LMO3: variants seen among roughly 807,000 people sequenced by gnomAD.
LMO3 encodes the protein LIM domain only 3.
Under a neutral mutation model 15.8 loss-of-function variants are expected in LMO3, and 2 were observed. The observed-to-expected ratio is 0.13, with a 90% CI of 0.05 to 0.40. The LOEUF is 0.40. Ranked by LOEUF, LMO3 falls within the 10% of genes least tolerant of loss-of-function variation. The pLI is 0.99. For synonymous variants in LMO3, 62 were observed against 63.8 expected (o/e 0.97, Z 0.13); for missense variants, 86 against 182.2 (o/e 0.47, Z 3.04).
rs1282828515 is a variant in LMO3, at chr12:16,555,854, C to A, written c.333-4527G>T. On this transcript the variant is annotated intron_variant, in intron 3 of 3. Transcript: ENST00000537304. The surrounding 1 kb of genome is among the most constrained non-coding windows in gnomAD (Gnocchi z 5.5). ...CATCTTCCCCAACCCCGAGCAGACA[C>A]ACTTCCTGTAAGTCAACCAGTTCTA... Among the ~76,000 whole-genome samples, 4 of 152,330 alleles carry A rather than the reference C, an allele frequency of 2.6e-5. No individual in the cohort carries two copies. The South Asian group carries it at 6.2e-4, about 24-fold the overall frequency.
rs1048165025 is a variant in LMO3 at position 16,593,856 on chromosome 12, C to T, written c.206+6799G>A. Among the ~76,000 whole-genome samples, 1 of 151,638 alleles carries T rather than the reference C, an allele frequency of 6.6e-6. No homozygotes were observed. Among genetic ancestry groups the T allele is most frequent in the Non-Finnish European group, 1.5e-5 (1 of 67,738 alleles). The stretch of plus-strand genomic sequence containing the variant: ...CTTCAAAATAAGCTTCGTGTAAGCA[C>T]CTTGAAAAGGGAAATACATGGTTAA... On this transcript the variant is annotated intron_variant, in intron 2 of 3. Coordinates refer to ENST00000537304, the MANE Select transcript of LMO3 (RefSeq NM_018640.5). The surrounding 1 kb of genome is among the most constrained non-coding windows in gnomAD (Gnocchi z 4.2).
chr12:16,551,442 C>T, intron 3 of LMO3, 115 bp from the exon 4 acceptor site: 2 of 665,990 alleles, frequency 3.0e-6, no homozygotes, highest in Non-Finnish European at 2.6e-6. Context: ...AATCTGAAAA[C>T]CTGGCTTAGA....
chr12:16,571,467 T>C (rs1942810462), intron 2 of LMO3, among the ~76,000 whole-genome samples: 1 of 152,098 alleles, frequency 6.6e-6, no homozygotes, highest in African/African-American at 2.4e-5. Context: ...ACACAATCAT[T>C]TGAAAAAATA....
chr12:16,576,614 A>G lies in LMO3; in HGVS notation c.207-16076T>C, dbSNP rs918487329. 3.9e-5 allele frequency among the ~76,000 whole-genome samples: 6 copies of G among 152,152 alleles called. No homozygotes were observed. The highest frequency in any genetic ancestry group is 1.4e-4 in the African/African-American group (6 of 41,442). Reference sequence around the variant, plus strand: ...CTGTTTGTCTCTTTCTCACTACATAATAAGCTCCCTGAAAACTTGCCTTCT... The same window carrying G: ...CTGTTTGTCTCTTTCTCACTACATAGTAAGCTCCCTGAAAACTTGCCTTCT... On this transcript the variant is annotated intron_variant, in intron 2 of 3. Transcript: ENST00000537304. This position sits in a 1 kb window ranked among gnomAD's most constrained non-coding sequence, Gnocchi z 4.1.
At chr12:16,608,001 A>C (rs998584271), upstream of LMO3, 1 of 152,204 alleles carries the variant, frequency 6.6e-6, no homozygotes, top group African/African-American at 2.4e-5. This position sits in a 1 kb window ranked among gnomAD's most constrained non-coding sequence, Gnocchi z 4.1. Context: ...TGTTCTGTAC[A>C]TAGGCAGATT....
intron 1 of LMO3, chr12:16,605,247 T>C: frequency 1.6e-6 from 2 of 1,278,870 alleles, no homozygotes; most frequent in South Asian, 3.9e-5. Flanking sequence ...AACTGTCACA[T>C]GCAGCGTTAG....
chr12:16,603,803 A>G lies in LMO3; in HGVS notation c.-9+2263T>C, dbSNP rs1436759988. 6.6e-6 allele frequency among the ~76,000 whole-genome samples: 1 copy of G among 152,212 alleles called. No homozygotes were observed. The highest frequency in any genetic ancestry group is 1.5e-5 in the Non-Finnish European group (1 of 68,040). Reference sequence around the variant, plus strand: ...AGTCTCAGCTTCAGTAGTTAACACAACAAAGTAACCACAACTCCACAACAC... The same window carrying G: ...AGTCTCAGCTTCAGTAGTTAACACAGCAAAGTAACCACAACTCCACAACAC... On this transcript the variant is annotated intron_variant, in intron 1 of 3. Transcript: ENST00000537304. This position sits in a 1 kb window ranked among gnomAD's most constrained non-coding sequence, Gnocchi z 4.9.
chr12:16,554,477 T>G (rs1421028652), intron 3 of LMO3, among the ~76,000 whole-genome samples: 1 of 152,188 alleles, frequency 6.6e-6, no homozygotes, highest in Non-Finnish European at 1.5e-5. Flanking sequence ...AAGTCCGGGT[T>G]GTGTACTCAT....
Position 16,601,000 on chromosome 12 carries a change from TCAAACC to T in LMO3, c.-8-138_-8-133del, listed in dbSNP as rs1943805837. On this transcript the variant is annotated intron_variant, in intron 1 of 3. Transcript: ENST00000537304. Reference sequence around the variant, plus strand: ...TTTCTTGTTTAGGGCTATACTGAAATCAAACCCAATTTTGGAAACAAAAAGTCTCAA... The same window carrying T: ...TTTCTTGTTTAGGGCTATACTGAAATCAATTTTGGAAACAAAAAGTCTCAA... 9 of 669,320 alleles carry T rather than the reference TCAAACC, an allele frequency of 1.3e-5. No homozygotes were observed. The East Asian group carries it at 2.5e-4, about 18-fold the overall frequency. The allele number at this position is 669,320 out of a possible 1,614,324, so 41.5% of individuals were successfully genotyped here.
intron 2 of LMO3, chr12:16,567,438 G>A (rs1345059450): frequency 6.6e-6 from 1 of 152,314 alleles, no homozygotes; most frequent in Non-Finnish European, 1.5e-5. Context: ...CTACAATAAA[G>A]GGGAGGATGG....
chr12:16,563,537 CTT>C (rs1036236820), intron 2 of LMO3, among the ~76,000 whole-genome samples: 9 of 152,012 alleles, frequency 5.9e-5, no homozygotes, highest in Admixed American at 5.9e-4. Context: ...AAAACAGTCT[CTT>C]AACTATCTAA....
chr12:16,551,028 A>T lies in LMO3; in HGVS notation c.*194T>A. 2.0e-6 allele frequency: 1 copy of T among 495,956 alleles called. No individual in the cohort carries two copies. The highest frequency in any genetic ancestry group is 3.6e-6 in the Non-Finnish European group (1 of 276,384). The allele number at this position is 495,956 out of a possible 1,614,324, so 30.7% of individuals were successfully genotyped here. A position where few individuals can be genotyped will look rare whatever the true frequency, so the allele number is the denominator to read the frequency against. On this transcript the variant is annotated 3_prime_UTR_variant, in exon 4 of 4. Transcript: ENST00000537304. ...TATGTACATTACTTTTTTCTTTAAT[A>T]ATAAACATTCAACTCTGAACTGGGG...
At chr12:16,566,372 A>G (rs1038577059) in intron 2 of LMO3, among the ~76,000 whole-genome samples, 1 of 151,964 alleles carries the variant, frequency 6.6e-6, no homozygotes, top group African/African-American at 2.4e-5. Flanking sequence ...AAATTACTGT[A>G]TATTATAAAA....
intron 3 of LMO3, among the ~76,000 whole-genome samples, chr12:16,554,120 T>C (rs537443111): frequency 2.6e-5 from 4 of 152,174 alleles, no homozygotes; most frequent in African/African-American, 9.7e-5. Flanking sequence ...TTTCTAGATA[T>C]TTTTGAGTGA....
chr12:16,565,983 C>CATAT lies in LMO3; in HGVS notation c.207-5449_207-5446dup, dbSNP rs61358392. ...GGATGAATGGATGAAGAAAATGTGC[C>CATAT]ATATATATATATATATATATATATA... On this transcript the variant is annotated intron_variant, in intron 2 of 3. Coordinates refer to ENST00000537304, the MANE Select transcript of LMO3 (RefSeq NM_018640.5). Among the ~76,000 whole-genome samples the CATAT allele has an allele frequency of 1.0e-3, 45 of 43,830 alleles. 1 individual carries two copies. Among genetic ancestry groups the CATAT allele is most frequent in the Non-Finnish European group, 1.2e-3 (27 of 22,888 alleles). 28.8% of individuals were successfully genotyped at this position (43,830 alleles called of 152,430 possible).
In LMO3 at chr12:16,549,893, C is replaced by A. The variant is rs185204890; in HGVS notation, c.*1329G>T. The A allele has an allele frequency of 6.6e-6, 1 of 151,876 alleles. No homozygotes were observed. Among genetic ancestry groups the A allele is most frequent in the Non-Finnish European group, 1.5e-5 (1 of 67,922 alleles). 9.4% of individuals were successfully genotyped at this position (151,876 alleles called of 1,614,324 possible). Reference sequence around the variant, plus strand: ...TATCACGTAAGGTAGTACTATTTCACCTTAAAAAATGGAAAGACAAATTTC... The same window carrying A: ...TATCACGTAAGGTAGTACTATTTCAACTTAAAAAATGGAAAGACAAATTTC... On this transcript the variant is annotated 3_prime_UTR_variant, in exon 4 of 4. Coordinates refer to ENST00000537304, the MANE Select transcript of LMO3 (RefSeq NM_018640.5).
intron 2 of LMO3, among the ~76,000 whole-genome samples, chr12:16,572,436 AAAAC>A (rs1167532656): frequency 2.7e-5 from 4 of 149,526 alleles, no homozygotes; most frequent in Non-Finnish European, 5.9e-5. Flanking sequence ...TATTAAAAAA[AAAAC>A]AGAGCTACTA....
chr12:16,562,667 T>C lies in LMO3; in HGVS notation c.207-2129A>G, dbSNP rs555839693. ...ATGATAAATGTGGCAAGTTCAGTAATGCATGGCCAGCCCTGAGCTGCCTGC... is the reference window on the plus strand; with the variant it reads ...ATGATAAATGTGGCAAGTTCAGTAACGCATGGCCAGCCCTGAGCTGCCTGC... On this transcript the variant is annotated intron_variant, in intron 2 of 3. Coordinates refer to ENST00000537304, the MANE Select transcript of LMO3 (RefSeq NM_018640.5). 2.0e-5 allele frequency among the ~76,000 whole-genome samples: 3 copies of C among 152,348 alleles called. No homozygotes were observed. The East Asian group carries it at 5.8e-4, about 29-fold the overall frequency.
Position 16,562,038 on chromosome 12 carries a change from T to C in LMO3, c.207-1500A>G, listed in dbSNP as rs16912033. 6.2e-3 allele frequency among the ~76,000 whole-genome samples: 944 copies of C among 152,298 alleles called. 34 individuals are homozygous for C. The East Asian group carries it at 0.084, about 14-fold the overall frequency. ...ACTATAACCCAAGTAACCTTCATGT[T>C]CTCCTTTTGTAATCTGTATTTTGAT... On this transcript the variant is annotated intron_variant, in intron 2 of 3. Coordinates refer to ENST00000537304, the MANE Select transcript of LMO3 (RefSeq NM_018640.5).
Sources: gnomAD v4.1 joint callset for allele counts (sites outside exome capture counted in the v4.1 genomes callset) on GRCh38, gnomAD v4.1.1 for gene constraint, Gnocchi (gnomAD v3.1) non-coding constraint, MANE v1.5 for transcripts, NCBI Gene and HGNC (gene_info 2026-07-23, HGNC 2026-07-21) for gene names.